TRIO: variants seen among roughly 807,000 people sequenced by gnomAD.
The protein encoded by TRIO is triple functional domain protein.
TRIO carries 58 observed loss-of-function variants against 351.9 expected under a neutral mutation model. That is an observed-to-expected ratio of 0.16 (90% CI 0.13 to 0.21). The LOEUF (loss-of-function observed/expected upper bound fraction) is 0.21. Ranked by LOEUF, TRIO falls within the 10% of genes least tolerant of loss-of-function variation. The probability of loss-of-function intolerance (pLI) is 1.00; values close to 1 mark genes in which losing one functional copy is unlikely to be tolerated. For missense variants in TRIO, 3,201 were observed against 4,027.8 expected, an observed-to-expected ratio of 0.79 and a Z score of 5.56; for synonymous variants, 1,758 against 1,595.7, an observed-to-expected ratio of 1.10 and a Z score of -2.42.
chr5:14,234,937 AT>A (rs1435764696), intron 1 of TRIO, among the ~76,000 whole-genome samples: 3 of 152,128 alleles, frequency 2.0e-5, no homozygotes, highest in Non-Finnish European at 4.4e-5. Flanking sequence ...AAAATGTATT[AT>A]TTTTTCTTTT....
intron 1 of TRIO, among the ~76,000 whole-genome samples, chr5:14,221,138 G>C (rs968504409): frequency 1.3e-5 from 2 of 152,160 alleles, no homozygotes; most frequent in South Asian, 2.1e-4. Context: ...TCTGTACATG[G>C]AACAACAAAG....
intron 20 of TRIO, among the ~76,000 whole-genome samples, chr5:14,379,586 C>T (rs1745885589): frequency 6.6e-6 from 1 of 152,188 alleles, no homozygotes. Flanking sequence ...ATTTATTAGA[C>T]AGTTTAACCA....
In TRIO at chr5:14,492,732, C is replaced by T. The variant is rs2126660334; in HGVS notation, c.7798C>T (p.Pro2600Ser). 1 of 1,614,138 alleles carries T rather than the reference C, an allele frequency of 6.2e-7. No homozygotes were observed. The highest frequency in any genetic ancestry group is 8.5e-7 in the Non-Finnish European group (1 of 1,180,024). ...LVFRAATDQC[P>S]AAEGWIPGFV... Reference sequence around the variant, plus strand: ...GTTCCGAGCCGCCACTGACCAGTGCCCCGCAGCTGAGGGCTGGATTCCAGG... The same window carrying T: ...GTTCCGAGCCGCCACTGACCAGTGCTCCGCAGCTGAGGGCTGGATTCCAGG... Residue 2600 changes from proline (P) to serine (S), a missense_variant, in exon 49 of 57, where the codon CCC (proline) becomes TCC (serine). Around this residue, in one of 19 missense-constraint regions of TRIO, gnomAD observed 1,089 missense variants for 954.9 expected, o/e 1.14. Coordinates refer to ENST00000344204, the MANE Select transcript of TRIO (RefSeq NM_007118.4).
chr5:14,316,509 G>A lies in TRIO; in HGVS notation c.1501-4G>A, dbSNP rs755534092. The A allele has an allele frequency of 4.3e-6, 7 of 1,613,626 alleles. No homozygotes were observed. Among genetic ancestry groups the A allele is most frequent in the Non-Finnish European group, 5.9e-6 (7 of 1,179,882 alleles). ...GAAGAATCACTCATTTCTTTTGTGG[G>A]CAGGTCAGCCAAGATGGGAAGTCGC... On this transcript the variant is annotated splice_region_variant and splice_polypyrimidine_tract_variant and intron_variant, in intron 8 of 56. Coordinates refer to ENST00000344204, the MANE Select transcript of TRIO (RefSeq NM_007118.4).
At chr5:14,477,433 T>C (rs1280717726) in intron 41 of TRIO, 2 of 152,502 alleles carry the variant, frequency 1.3e-5, no homozygotes, top group Non-Finnish European at 1.5e-5. Flanking sequence ...TTTAATGTCT[T>C]GCTAAGTAAA....
intron 31 of TRIO, among the ~76,000 whole-genome samples, chr5:14,403,866 TGGTGGTGAGGGTGCA>T (rs1748453328): frequency 3.5e-5 from 4 of 115,394 alleles, no homozygotes; most frequent in East Asian, 2.5e-4. Flanking sequence ...AGGGTGCAGG[TGGTGGTGAGGGTGCA>T]GGTGGTGGTG....
chr5:14,490,600 A>C (rs1332372732), intron 48 of TRIO, among the ~76,000 whole-genome samples: 2 of 152,262 alleles, frequency 1.3e-5, no homozygotes, highest in Non-Finnish European at 2.9e-5. Flanking sequence ...CCTTTCTTGC[A>C]CAGGCCAGGT....
intron 8 of TRIO, among the ~76,000 whole-genome samples, chr5:14,314,943 T>G (rs1441331934): frequency 6.6e-6 from 1 of 152,244 alleles, no homozygotes; most frequent in African/African-American, 2.4e-5. Flanking sequence ...CCTCCCAAGT[T>G]TTGCTGTTAG....
At chr5:14,253,947 G>A (rs1426194101) in intron 1 of TRIO, among the ~76,000 whole-genome samples, 6 of 151,512 alleles carry the variant, frequency 4.0e-5, no homozygotes, top group Non-Finnish European at 1.5e-5. Context: ...TCTCAAAAGT[G>A]TGAAACAGCG....
intron 1 of TRIO, among the ~76,000 whole-genome samples, chr5:14,189,404 A>C (rs2152146750): frequency 6.6e-6 from 1 of 152,340 alleles, no homozygotes; most frequent in Admixed American, 6.5e-5. Flanking sequence ...AATTTTCATC[A>C]CCTTTGAAAC....
At chr5:14,213,263 C>G (rs1792022611) in intron 1 of TRIO, among the ~76,000 whole-genome samples, 1 of 151,596 alleles carries the variant, frequency 6.6e-6, no homozygotes, top group Admixed American at 6.6e-5. Flanking sequence ...TCTTCTCTCT[C>G]AAAAGTTATT....
In TRIO at chr5:14,508,814, T is replaced by G; in HGVS notation, c.*392T>G. On this transcript the variant is annotated 3_prime_UTR_variant, in exon 57 of 57. Transcript: ENST00000344204. Reference sequence around the variant, plus strand: ...AATGAACAAAGATACTGTGCGTCTCTGGGGAAGACGCACCTAGGTGGCGGC... The same window carrying G: ...AATGAACAAAGATACTGTGCGTCTCGGGGGAAGACGCACCTAGGTGGCGGC... 5.5e-6 allele frequency: 1 copy of G among 181,428 alleles called. No homozygotes were observed. Among genetic ancestry groups the G allele is most frequent in the Non-Finnish European group, 1.2e-5 (1 of 85,968 alleles). The allele number at this position is 181,428 out of a possible 1,614,324, so 11.2% of individuals were successfully genotyped here.
At position 14,143,818 on chromosome 5, in the gene TRIO, T is replaced by TGCCGGC; in HGVS notation, c.95_100dup (p.Ala32_Gly33dup). 1 of 1,060,628 alleles carries TGCCGGC rather than the reference T, an allele frequency of 9.4e-7. No homozygotes were observed. The highest frequency in any genetic ancestry group is 1.1e-6 in the Non-Finnish European group (1 of 880,628). The allele number at this position is 1,060,628 out of a possible 1,614,324, so 65.7% of individuals were successfully genotyped here. A position where few individuals can be genotyped will look rare whatever the true frequency, so the allele number is the denominator to read the frequency against. ...CGGCTGGCTCGGGCTGCGGGGGCGG[T>TGCCGGC]GCCGGCGAGGGGGCAGAGGAGGCGG... On this transcript the variant is annotated inframe_insertion, in exon 1 of 57. Coordinates refer to ENST00000344204, the MANE Select transcript of TRIO (RefSeq NM_007118.4).
intron 7 of TRIO, among the ~76,000 whole-genome samples, chr5:14,300,302 A>G (rs1200799404): frequency 6.6e-6 from 1 of 152,240 alleles, no homozygotes; most frequent in African/African-American, 2.4e-5. Flanking sequence ...CTCAAGCTGC[A>G]CTGCCCATTG....
At chr5:14,283,008 C>G (rs933332386) in intron 3 of TRIO, among the ~76,000 whole-genome samples, 24 of 152,166 alleles carry the variant, frequency 1.6e-4, no homozygotes, top group African/African-American at 5.6e-4. Flanking sequence ...GCCCTCTCCC[C>G]CAGGGTCCTG....
intron 9 of TRIO, among the ~76,000 whole-genome samples, chr5:14,321,204 G>A (rs536080188): frequency 5.3e-4 from 80 of 152,372 alleles, no homozygotes; most frequent in Non-Finnish European, 7.9e-4. Context: ...GAGAAGGTCA[G>A]TAGATTGAGG....
Position 14,159,321 on chromosome 5 carries a change from C to CA in TRIO, c.157+15454dup, listed in dbSNP as rs34735917. ...GGTTAACTTTTCAGGAAATCGCAGTCAAAAAAAAAAAAAAAGAGAGAGAGA... is the reference window on the plus strand; with the variant it reads ...GGTTAACTTTTCAGGAAATCGCAGTCAAAAAAAAAAAAAAAAGAGAGAGAGA... On this transcript the variant is annotated intron_variant, in intron 1 of 56. Transcript: ENST00000344204. Among the ~76,000 whole-genome samples, 249 of 140,472 alleles carry CA rather than the reference C, an allele frequency of 1.8e-3. 1 individual carries two copies. The highest frequency in any genetic ancestry group is 5.3e-3 in the South Asian group (24 of 4,522). 92.2% of individuals were successfully genotyped at this position (140,472 alleles called of 152,430 possible). A position where few individuals can be genotyped will look rare whatever the true frequency, so the allele number is the denominator to read the frequency against.
chr5:14,503,988 G>A (rs1191754401), intron 54 of TRIO, among the ~76,000 whole-genome samples: 1 of 152,232 alleles, frequency 6.6e-6, no homozygotes, highest in Non-Finnish European at 1.5e-5. Context: ...GACCACAGCA[G>A]ACGCACCTTT....
chr5:14,304,778 A>G (rs1406824716), intron 8 of TRIO, among the ~76,000 whole-genome samples, 186 bp downstream of exon 8: 2 of 152,138 alleles, frequency 1.3e-5, no homozygotes, highest in Admixed American at 6.5e-5. Flanking sequence ...GCAGTAGGGG[A>G]AGCAGAATGG....
Sources: gnomAD v4.1 joint callset for allele counts (sites outside exome capture counted in the v4.1 genomes callset) on GRCh38, gnomAD v4.1.1 for gene constraint, gnomAD v4.1.1 regional missense constraint, MANE v1.5 for transcripts, NCBI Gene and HGNC (gene_info 2026-07-23, HGNC 2026-07-21) for gene names.